LAMC1: variants seen among roughly 807,000 people sequenced by gnomAD.
LAMC1 encodes laminin subunit gamma 1, also known as laminin subunit gamma-1.
In LAMC1, 38 loss-of-function variants were observed where a neutral mutation model predicts 173.6. That is an observed-to-expected ratio of 0.22 (90% CI 0.17 to 0.29). The LOEUF (loss-of-function observed/expected upper bound fraction) is 0.29. Among genes scored for constraint, LAMC1 ranks in the 10% least tolerant of loss-of-function variants. The pLI is 1.00. For synonymous variants in LAMC1, 746 were observed against 749.1 expected (o/e 1.00, Z 0.07); for missense variants, 1,824 against 2,051.8 (o/e 0.89, Z 2.14).
Position 183,116,576 on chromosome 1 carries a change from G to A in LAMC1, c.1329-1G>A. 6.3e-7 allele frequency: 1 copy of A among 1,588,200 alleles called. No homozygotes were observed. The highest frequency in any genetic ancestry group is 1.1e-5 in the South Asian group (1 of 89,332). ...TGTTTTATCCATTTTTCATTGAATAGGCCATGCTCTTGTGATCCCTCTGGC... is the reference window on the plus strand; with the variant it reads ...TGTTTTATCCATTTTTCATTGAATAAGCCATGCTCTTGTGATCCCTCTGGC... On this transcript the variant is annotated splice_acceptor_variant, in intron 6 of 27. Coordinates refer to ENST00000258341, the MANE Select transcript of LAMC1 (RefSeq NM_002293.4). LOFTEE classifies it high-confidence loss of function.
intron 1 of LAMC1, among the ~76,000 whole-genome samples, chr1:183,096,110 CT>C (rs985642550): frequency 1.3e-5 from 2 of 152,256 alleles, no homozygotes; most frequent in African/African-American, 4.8e-5. Context: ...AAGCAGAAAG[CT>C]TTTATTTTTT....
chr1:183,061,010 A>G (rs917051882), intron 1 of LAMC1, among the ~76,000 whole-genome samples: 2 of 152,204 alleles, frequency 1.3e-5, no homozygotes, highest in African/African-American at 2.4e-5. Flanking sequence ...ACATGGTTAG[A>G]TAGCAGAGTT....
At chr1:183,077,504 C>T (rs572379420) in intron 1 of LAMC1, among the ~76,000 whole-genome samples, 30 of 151,924 alleles carry the variant, frequency 2.0e-4, no homozygotes, top group Non-Finnish European at 2.9e-4. Context: ...TTTTGGTGCA[C>T]GCGAGCACTA....
intron 21 of LAMC1, 21 bp from the exon 22 acceptor site, chr1:183,133,385 A>T: frequency 6.2e-7 from 1 of 1,600,336 alleles, no homozygotes; most frequent in Non-Finnish European, 8.5e-7. Flanking sequence ...TTGTCATTAA[A>T]CCACATTATT....
intron 26 of LAMC1, among the ~76,000 whole-genome samples, chr1:183,139,321 C>T (rs2102115031): frequency 6.6e-6 from 1 of 152,226 alleles, no homozygotes; most frequent in South Asian, 2.1e-4. Flanking sequence ...CAGCATTTGG[C>T]CAGTATTATT....
At chr1:183,124,090 A>C (rs2102093788) in intron 13 of LAMC1, among the ~76,000 whole-genome samples, 1 of 152,328 alleles carries the variant, frequency 6.6e-6, no homozygotes, top group Middle Eastern at 3.4e-3. Context: ...TATAATATTT[A>C]ATACAAGCAG....
intron 1 of LAMC1, among the ~76,000 whole-genome samples, chr1:183,095,020 A>G (rs1049410015): frequency 6.6e-5 from 10 of 151,982 alleles, no homozygotes; most frequent in Admixed American, 4.6e-4. Context: ...TAATTTTTAT[A>G]TTTTTACTAG....
intron 25 of LAMC1, among the ~76,000 whole-genome samples, chr1:183,137,362 A>G (rs1407655160): frequency 2.0e-5 from 3 of 152,190 alleles, no homozygotes; most frequent in African/African-American, 7.2e-5. Context: ...TTAAATGTTT[A>G]TCATTTGCTG....
At chr1:183,054,096 T>C (rs1196638613) in intron 1 of LAMC1, among the ~76,000 whole-genome samples, 4 of 152,242 alleles carry the variant, frequency 2.6e-5, no homozygotes, top group Non-Finnish European at 5.9e-5. Context: ...TGAATAGTTC[T>C]GCCACCTCCA....
intron 1 of LAMC1, among the ~76,000 whole-genome samples, chr1:183,075,636 A>G (rs1655105947): frequency 6.6e-6 from 1 of 152,178 alleles, no homozygotes; most frequent in Non-Finnish European, 1.5e-5. Context: ...GCAAAACTAA[A>G]TATAGTGTTT....
intron 1 of LAMC1, among the ~76,000 whole-genome samples, chr1:183,035,211 CAG>C (rs985670642): frequency 2.0e-5 from 3 of 152,152 alleles, no homozygotes; most frequent in African/African-American, 7.2e-5. Context: ...ATGTTTTAGA[CAG>C]GGTCTTGCTC....
At chr1:183,035,184 T>A (rs898230584) in intron 1 of LAMC1, among the ~76,000 whole-genome samples, 9 of 152,280 alleles carry the variant, frequency 5.9e-5, no homozygotes, top group African/African-American at 2.2e-4. Flanking sequence ...ATTTTTTTTT[T>A]AATTAAAAAA....
rs768300751 is a variant in LAMC1, at chr1:183,134,821, T to G, written c.3999+12T>G. The G allele has an allele frequency of 2.5e-6, 4 of 1,608,648 alleles. No homozygotes were observed. The highest frequency in any genetic ancestry group is 1.7e-4 in the Middle Eastern group (1 of 6,038). ...AGACTGAACAGCAGGTTGGTTTGATTTGCAGGTCGCTTCATTTCTTGAGGC... is the reference window on the plus strand; with the variant it reads ...AGACTGAACAGCAGGTTGGTTTGATGTGCAGGTCGCTTCATTTCTTGAGGC... On this transcript the variant is annotated intron_variant, in intron 23 of 27. Transcript: ENST00000258341.
At position 183,117,568 on chromosome 1, in the gene LAMC1, T is replaced by C; in HGVS notation, c.1722T>C (p.Gly574=). ...TGGGCAAGCAGGTGTTGAGTTATGG[T>C]CAGAACCTCTCCTTCTCCTTTCGAG... is the stretch of plus-strand genomic sequence containing the variant. The part of the protein sequence containing the change: ...KFLGKQVLSY[G]QNLSFSFRVD... Residue 574 remains glycine (G), a synonymous_variant, in exon 10 of 28, where the codon GGT becomes GGC. Coordinates refer to ENST00000258341, the MANE Select transcript of LAMC1 (RefSeq NM_002293.4). 6.2e-7 allele frequency: 1 copy of C among 1,614,182 alleles called. No homozygotes were observed. The highest frequency in any genetic ancestry group is 2.2e-5 in the East Asian group (1 of 44,876).
chr1:183,127,309 A>C lies in LAMC1; in HGVS notation c.3028A>C (p.Asn1010His), dbSNP rs749118042. The C allele has an allele frequency of 6.2e-7, 1 of 1,614,196 alleles. No individual in the cohort carries two copies. Among genetic ancestry groups the C allele is most frequent in the Non-Finnish European group, 8.5e-7 (1 of 1,180,026 alleles). ...TGAATGCAGAGAAGGCTTTGTGGGA[A>C]ATCGCTGTGACCAGTGTGAAGAAAA... ...RCECREGFVG[N>H]RCDQCEENYF... The change falls in exon 17 of 28, where the codon AAT (asparagine) becomes CAT (histidine). Residue 1010 changes from asparagine (N) to histidine (H), a missense_variant. Transcript: ENST00000258341.
intron 1 of LAMC1, among the ~76,000 whole-genome samples, chr1:183,076,953 TAAAG>T (rs1433267199): frequency 6.6e-6 from 1 of 152,208 alleles, no homozygotes; most frequent in Admixed American, 6.5e-5. Flanking sequence ...CCCAGGTACT[TAAAG>T]AAGGACCTCT....
intron 10 of LAMC1, 54 bp from the exon 11 acceptor site, chr1:183,117,980 C>T: frequency 9.5e-7 from 1 of 1,053,024 alleles, no homozygotes; most frequent in South Asian, 1.4e-5. Context: ...AATATTTCCC[C>T]AACATCCAGA....
At chr1:183,086,333 GGA>G (rs1382391055) in intron 1 of LAMC1, among the ~76,000 whole-genome samples, 2 of 152,186 alleles carry the variant, frequency 1.3e-5, no homozygotes, top group Non-Finnish European at 2.9e-5. Context: ...AGTAGTGGTG[GGA>G]GTTCAGTTTA....
At chr1:183,024,207 G>T in intron 1 of LAMC1, 73 bp downstream of exon 1, 1 of 1,432,134 alleles carries the variant, frequency 7.0e-7, no homozygotes, top group Non-Finnish European at 9.3e-7. Context: ...CCGTCCCAGT[G>T]GCCGGCCTCA....
Sources: allele counts gnomAD v4.1 joint callset (sites outside exome capture counted in the v4.1 genomes callset), GRCh38; gene constraint gnomAD v4.1.1; transcripts MANE v1.5; gene names NCBI Gene and HGNC (gene_info 2026-07-23, HGNC 2026-07-21).